The following MAPK10 variants were observed in gnomAD, a reference collection of about 807,000 sequenced individuals.
The protein encoded by MAPK10 is mitogen-activated protein kinase 10, also known as JNK3 alpha protein kinase.
Under a neutral mutation model 59.3 loss-of-function variants are expected in MAPK10, and 25 were observed. The observed-to-expected ratio is 0.42, with a 90% CI of 0.31 to 0.59. The LOEUF (loss-of-function observed/expected upper bound fraction) is 0.59. MAPK10 is among the 20% of genes least tolerant of loss of function. The probability of loss-of-function intolerance (pLI) is 0.15; values close to 1 mark genes in which losing one functional copy is unlikely to be tolerated. For missense variants in MAPK10, 351 were observed against 568.9 expected (o/e 0.62, Z 3.90); for synonymous variants, 190 against 200.5 (o/e 0.95, Z 0.44).
chr4:86,375,148 C>A (rs1418221782), intron 1 of MAPK10, among the ~76,000 whole-genome samples: 1 of 152,164 alleles, frequency 6.6e-6, no homozygotes, highest in African/African-American at 2.4e-5. Context: ...GAGATTATTT[C>A]TATCTGGGGT....
chr4:86,078,993 C>T (rs1283209720), intron 9 of MAPK10, among the ~76,000 whole-genome samples: 2 of 151,434 alleles, frequency 1.3e-5, no homozygotes, highest in Non-Finnish European at 1.5e-5. Flanking sequence ...TTGTCCCCCA[C>T]CCCCCCAAAA....
At chr4:86,331,801 T>TA (rs760748545) in intron 2 of MAPK10, among the ~76,000 whole-genome samples, 2 of 152,136 alleles carry the variant, frequency 1.3e-5, no homozygotes, top group Non-Finnish European at 2.9e-5. Flanking sequence ...CCTCATGAAA[T>TA]ATGCTTTATA....
chr4:86,235,674 G>A (rs918619385), intron 2 of MAPK10, among the ~76,000 whole-genome samples: 2 of 152,100 alleles, frequency 1.3e-5, no homozygotes, highest in African/African-American at 2.4e-5. Context: ...AAGCCCTCAA[G>A]CATCACAGAC....
intron 4 of MAPK10, among the ~76,000 whole-genome samples, chr4:86,128,181 T>C (rs2060383341): frequency 6.6e-6 from 1 of 152,144 alleles, no homozygotes; most frequent in Non-Finnish European, 1.5e-5. Context: ...TTTTTAGTTA[T>C]AAGCACTTTT....
intron 1 of MAPK10, among the ~76,000 whole-genome samples, chr4:86,534,429 T>C (rs1022023478): frequency 1.1e-4 from 17 of 151,940 alleles, no homozygotes; most frequent in African/African-American, 3.9e-4. Context: ...AAAGAAACAT[T>C]AGAGAAAAAT....
chr4:86,059,079 C>T (rs895080510), intron 11 of MAPK10, among the ~76,000 whole-genome samples: 10 of 152,276 alleles, frequency 6.6e-5, no homozygotes, highest in African/African-American at 2.4e-4. Flanking sequence ...GCATAATAGG[C>T]ATACACAATA....
At chr4:86,229,676 T>C (rs889555012) in intron 2 of MAPK10, among the ~76,000 whole-genome samples, 1 of 152,042 alleles carries the variant, frequency 6.6e-6, no homozygotes, top group Non-Finnish European at 1.5e-5. Context: ...ATAGGAACTT[T>C]CTTATTTTTT....
At chr4:86,439,792 T>C (rs1229143225) in intron 1 of MAPK10, among the ~76,000 whole-genome samples, 1 of 152,190 alleles carries the variant, frequency 6.6e-6, no homozygotes, top group Non-Finnish European at 1.5e-5. Flanking sequence ...TTTTTTGTTT[T>C]AGCCAATCCA....
At chr4:86,525,993 G>T (rs1349269319) in intron 1 of MAPK10, among the ~76,000 whole-genome samples, 2 of 140,782 alleles carry the variant, frequency 1.4e-5, no homozygotes, top group Non-Finnish European at 3.2e-5. Context: ...GAGGATTTTT[G>T]CATCTCTCTT....
intron 9 of MAPK10, among the ~76,000 whole-genome samples, chr4:86,083,142 G>A (rs927218141): frequency 2.6e-5 from 4 of 152,084 alleles, no homozygotes; most frequent in Non-Finnish European, 5.9e-5. Flanking sequence ...GTCTGGGGAG[G>A]CAGAGCAGGA....
intron 2 of MAPK10, among the ~76,000 whole-genome samples, chr4:86,283,247 T>C (rs2094882342): frequency 6.6e-6 from 1 of 152,170 alleles, no homozygotes; most frequent in Non-Finnish European, 1.5e-5. Flanking sequence ...ATGTAGAATA[T>C]GTCATTCAAC....
chr4:86,027,624 G>A (rs1268900914), intron 13 of MAPK10: 1 of 152,158 alleles, frequency 6.6e-6, no homozygotes, highest in African/African-American at 2.4e-5. Flanking sequence ...TGAATTTTGT[G>A]TTTGGAATAG....
At chr4:86,275,135 T>G (rs915638201) in intron 2 of MAPK10, among the ~76,000 whole-genome samples, 1 of 152,052 alleles carries the variant, frequency 6.6e-6, no homozygotes, top group African/African-American at 2.4e-5. Context: ...AACAATTTAT[T>G]CACAGGATAA....
At chr4:86,400,440 T>C (rs1397232673) in intron 1 of MAPK10, among the ~76,000 whole-genome samples, 1 of 151,848 alleles carries the variant, frequency 6.6e-6, no homozygotes, top group Non-Finnish European at 1.5e-5. Context: ...TCTCTCTCCC[T>C]CTCTCTCTCT....
At chr4:86,196,823 T>C (rs989706965) in intron 2 of MAPK10, among the ~76,000 whole-genome samples, 2 of 152,210 alleles carry the variant, frequency 1.3e-5, no homozygotes, top group Non-Finnish European at 2.9e-5. Flanking sequence ...GGGAATCCTT[T>C]CCTCATGGCT....
intron 2 of MAPK10, among the ~76,000 whole-genome samples, chr4:86,218,033 A>G (rs1053978968): frequency 7.2e-5 from 11 of 152,222 alleles, no homozygotes; most frequent in Admixed American, 7.2e-4. Flanking sequence ...AATTATCATC[A>G]CACTGATTCA....
intron 2 of MAPK10, among the ~76,000 whole-genome samples, chr4:86,329,423 T>G (rs758495370): frequency 1.3e-5 from 2 of 152,220 alleles, no homozygotes; most frequent in Non-Finnish European, 2.9e-5. Flanking sequence ...AAAACTACAT[T>G]TAATCTAGAG....
chr4:86,021,558 T>C (rs6531890), intron 13 of MAPK10, among the ~76,000 whole-genome samples: 37,457 of 152,216 alleles, frequency 0.25, 5,970 homozygotes, highest in African/African-American at 0.46. Context: ...GTGGATCCCG[T>C]ACCAGGGCTG....
intron 1 of MAPK10, among the ~76,000 whole-genome samples, chr4:86,472,473 C>T (rs1752738110): frequency 6.6e-6 from 1 of 152,044 alleles, no homozygotes; most frequent in Non-Finnish European, 1.5e-5. Context: ...GGCAAAACCC[C>T]ATCTCTACAA....
Sources: allele counts gnomAD v4.1 joint callset (sites outside exome capture counted in the v4.1 genomes callset), GRCh38; gene constraint gnomAD v4.1.1; transcripts MANE v1.5; gene names NCBI Gene and HGNC (gene_info 2026-07-23, HGNC 2026-07-21).